TMEM132D: variants seen among roughly 807,000 people sequenced by gnomAD.
TMEM132D encodes the protein mature OL transmembrane protein.
Under a neutral mutation model 62.3 loss-of-function variants are expected in TMEM132D, and 21 were observed. The observed-to-expected ratio is 0.34, with a 90% confidence interval of 0.24 to 0.49. The LOEUF (loss-of-function observed/expected upper bound fraction) is 0.49. Among genes scored for constraint, TMEM132D ranks in the 20% least tolerant of loss-of-function variants. The probability of loss-of-function intolerance (pLI) is 0.99; values close to 1 mark genes in which losing one functional copy is unlikely to be tolerated. For missense variants in TMEM132D, 1,346 were observed against 1,402.8 expected (o/e 0.96, Z 0.65); for synonymous variants, 621 against 575.6 (o/e 1.08, Z -1.13).
intron 3 of TMEM132D, among the ~76,000 whole-genome samples, chr12:129,510,056 A>G (rs779293971): frequency 6.6e-5 from 10 of 152,188 alleles, no homozygotes; most frequent in Non-Finnish European, 1.2e-4. Flanking sequence ...ACTATTCTGC[A>G]TAGTGGCTGT....
chr12:129,666,978 A>AAAAGGGTTTGT (rs1880391958), intron 2 of TMEM132D, among the ~76,000 whole-genome samples: 1 of 138,788 alleles, frequency 7.2e-6, no homozygotes, highest in Non-Finnish European at 1.5e-5. Context: ...AAACAAAGCA[A>AAAAGGGTTTGT]AAAGGGTTTG....
At chr12:129,284,623 T>C (rs1708092131) in intron 4 of TMEM132D, among the ~76,000 whole-genome samples, 1 of 152,240 alleles carries the variant, frequency 6.6e-6, no homozygotes, top group African/African-American at 2.4e-5. Context: ...CATATGTTCA[T>C]GGCAGGACCA....
chr12:129,432,123 G>GA (rs1872669148), intron 3 of TMEM132D, among the ~76,000 whole-genome samples: 1 of 145,200 alleles, frequency 6.9e-6, no homozygotes, highest in Non-Finnish European at 1.5e-5. Flanking sequence ...GGATGGATAG[G>GA]TGGATGGATG....
chr12:129,134,028 C>T (rs1876460944), intron 5 of TMEM132D, among the ~76,000 whole-genome samples: 1 of 151,480 alleles, frequency 6.6e-6, no homozygotes, highest in African/African-American at 2.4e-5. Flanking sequence ...TATATATATC[C>T]CCAGCAATAC....
At chr12:129,575,367 A>G (rs1593071925) in intron 2 of TMEM132D, among the ~76,000 whole-genome samples, 1 of 151,802 alleles carries the variant, frequency 6.6e-6, no homozygotes, top group South Asian at 2.1e-4. Flanking sequence ...ATGGCTCCCC[A>G]GCGGCTGTCT....
chr12:129,630,789 A>G (rs1430304042), intron 2 of TMEM132D, among the ~76,000 whole-genome samples: 4 of 152,064 alleles, frequency 2.6e-5, no homozygotes, highest in African/African-American at 9.7e-5. Context: ...TATTGCTCAG[A>G]TTATTTCATC....
intron 2 of TMEM132D, 77 bp downstream of exon 2, chr12:129,699,733 T>G (rs1881329433): frequency 6.4e-7 from 1 of 1,558,014 alleles, no homozygotes; most frequent in African/African-American, 1.4e-5. Context: ...ATAACACAGC[T>G]TTTCTGGTCA....
chr12:129,465,158 T>C (rs10773668), intron 3 of TMEM132D, among the ~76,000 whole-genome samples: 32,747 of 152,078 alleles, frequency 0.22, 3,856 homozygotes, highest in East Asian at 0.34. Flanking sequence ...GAGCAGTGAG[T>C]TGTAGTTCTC....
chr12:129,223,801 T>C (rs1879411380), intron 4 of TMEM132D, among the ~76,000 whole-genome samples: 1 of 152,218 alleles, frequency 6.6e-6, no homozygotes, highest in Admixed American at 6.5e-5. Context: ...TGAAACATAA[T>C]GAAGTCATCT....
intron 4 of TMEM132D, among the ~76,000 whole-genome samples, chr12:129,312,172 C>G (rs1321889420): frequency 6.6e-6 from 1 of 152,076 alleles, no homozygotes. Context: ...GATAAATAGT[C>G]AAATTCAAAG....
At chr12:129,156,119 C>G (rs562110563) in intron 5 of TMEM132D, among the ~76,000 whole-genome samples, 1 of 151,676 alleles carries the variant, frequency 6.6e-6, no homozygotes, top group Non-Finnish European at 1.5e-5. Context: ...CATACTCCCA[C>G]GATAACCAAC....
At chr12:129,517,960 T>A (rs998637287) in intron 3 of TMEM132D, among the ~76,000 whole-genome samples, 3 of 152,194 alleles carry the variant, frequency 2.0e-5, no homozygotes, top group African/African-American at 7.2e-5. Context: ...CTAAGATTAT[T>A]GTACAATAGA....
intron 5 of TMEM132D, among the ~76,000 whole-genome samples, chr12:129,198,810 T>C (rs1593293424): frequency 6.6e-6 from 1 of 152,198 alleles, no homozygotes; most frequent in African/African-American, 2.4e-5. Context: ...AAAAAATAAG[T>C]ATCTGAAGTG....
At chr12:129,109,376 T>C (rs1467893465) in intron 5 of TMEM132D, among the ~76,000 whole-genome samples, 1 of 152,224 alleles carries the variant, frequency 6.6e-6, no homozygotes, top group African/African-American at 2.4e-5. Flanking sequence ...GTGATCATGG[T>C]ACCAACTTCA....
intron 5 of TMEM132D, among the ~76,000 whole-genome samples, chr12:129,115,251 C>T (rs956392114): frequency 6.6e-6 from 1 of 152,188 alleles, no homozygotes; most frequent in African/African-American, 2.4e-5. Context: ...CTTAGCAGGA[C>T]CCACAAGCAT....
intron 2 of TMEM132D, chr12:129,682,971 A>T (rs895003950): frequency 1.3e-5 from 2 of 151,966 alleles, no homozygotes; most frequent in African/African-American, 4.8e-5. Flanking sequence ...TGTCCCTCCA[A>T]TGCAAACACC....
chr12:129,096,749 T>C (rs1275632019), intron 5 of TMEM132D, among the ~76,000 whole-genome samples: 1 of 152,198 alleles, frequency 6.6e-6, no homozygotes, highest in African/African-American at 2.4e-5. Context: ...TTTGGAGTCA[T>C]CTATACCAGA....
chr12:129,874,199 T>A (rs1022700056), intron 1 of TMEM132D, among the ~76,000 whole-genome samples: 1 of 152,216 alleles, frequency 6.6e-6, no homozygotes, highest in Non-Finnish European at 1.5e-5. Context: ...GTAATGCATA[T>A]GATAAATAGC....
intron 4 of TMEM132D, among the ~76,000 whole-genome samples, chr12:129,236,064 T>G (rs1160643920): frequency 4.6e-5 from 7 of 151,864 alleles, no homozygotes; most frequent in Non-Finnish European, 1.0e-4. Context: ...ATTTTTCAAC[T>G]CCTTAAGTTT....
Sources: allele counts gnomAD v4.1 joint callset (sites outside exome capture counted in the v4.1 genomes callset), GRCh38; gene constraint gnomAD v4.1.1; transcripts MANE v1.5; gene names NCBI Gene and HGNC (gene_info 2026-07-23, HGNC 2026-07-21).